CSMD1: variants seen among roughly 807,000 people sequenced by gnomAD.
CSMD1 encodes CUB and Sushi multiple domains 1, also known as CUB and sushi domain-containing protein 1.
Under a neutral mutation model 417.5 loss-of-function variants are expected in CSMD1, and 213 were observed. The ratio of observed to expected loss-of-function variants is 0.51; its 90% CI spans 0.46 to 0.57. The LOEUF (loss-of-function observed/expected upper bound fraction) is 0.57, where lower values mean the gene tolerates loss of function less well. Among genes scored for constraint, CSMD1 ranks in the 20% least tolerant of loss-of-function variants. The pLI is 0.00. For missense variants in CSMD1, 6,923 were observed against 4,529.7 expected (o/e 1.53, Z -15.17); for synonymous variants, 2,862 against 1,736.8 (o/e 1.65, Z -16.11).
At chr8:3,542,804 G>A (rs1451208805) in intron 10 of CSMD1, among the ~76,000 whole-genome samples, 2 of 152,216 alleles carry the variant, frequency 1.3e-5, no homozygotes, top group Non-Finnish European at 2.9e-5. Context: ...ATCCTTCGAT[G>A]CTTTAGCTAA....
intron 2 of CSMD1, among the ~76,000 whole-genome samples, chr8:4,483,286 C>T (rs771705534): frequency 3.3e-5 from 5 of 152,316 alleles, no homozygotes; most frequent in South Asian, 2.1e-4. Flanking sequence ...TCCAATAAAC[C>T]TCTTTCTTTT....
intron 1 of CSMD1, among the ~76,000 whole-genome samples, chr8:4,759,230 A>C (rs577102377): frequency 1.3e-5 from 2 of 152,162 alleles, no homozygotes; most frequent in South Asian, 4.2e-4. Context: ...CTTTAACCTC[A>C]CCATCAGTGT....
At chr8:3,275,227 T>A (rs902821368) in intron 26 of CSMD1, among the ~76,000 whole-genome samples, 1 of 152,194 alleles carries the variant, frequency 6.6e-6, no homozygotes, top group South Asian at 2.1e-4. Flanking sequence ...GGTTGAAAAT[T>A]CTTTTCTTTA....
chr8:3,928,748 T>A (rs954337185), intron 5 of CSMD1, among the ~76,000 whole-genome samples: 1 of 150,084 alleles, frequency 6.7e-6, no homozygotes, highest in Non-Finnish European at 1.5e-5. Flanking sequence ...GAACCCATTC[T>A]GAAATCAAAG....
At chr8:4,212,588 G>A (rs1031173911) in intron 3 of CSMD1, among the ~76,000 whole-genome samples, 2 of 151,762 alleles carry the variant, frequency 1.3e-5, no homozygotes, top group Non-Finnish European at 2.9e-5. Flanking sequence ...GCCTGACATT[G>A]TCAGTAGGTG....
intron 2 of CSMD1, among the ~76,000 whole-genome samples, chr8:4,474,799 G>A (rs569321969): frequency 2.6e-5 from 4 of 152,126 alleles, no homozygotes; most frequent in Admixed American, 6.5e-5. Context: ...AAGACCATGA[G>A]GAGGAAGAAT....
At chr8:4,613,694 T>A (rs1453088036) in intron 2 of CSMD1, among the ~76,000 whole-genome samples, 1 of 152,170 alleles carries the variant, frequency 6.6e-6, no homozygotes, top group East Asian at 1.9e-4. Flanking sequence ...CAAATGGCAG[T>A]AGTAAATCAT....
Position 3,152,206 on chromosome 8 carries a change from T to C in CSMD1, c.5915-693A>G, listed in dbSNP as rs187510073. Among the ~76,000 whole-genome samples the C allele has an allele frequency of 7.0e-3, 1,062 of 152,342 alleles. 7 individuals carry two copies. The highest frequency in any genetic ancestry group is 9.7e-3 in the Non-Finnish European group (662 of 68,024). ...AAATAAGTTCATGCATCTTGCCTTA[T>C]CTTGGCGACTCACATGTTTTGCTAC... On this transcript the variant is annotated intron_variant, in intron 39 of 69. Coordinates refer to ENST00000635120, the MANE Select transcript of CSMD1 (RefSeq NM_033225.6).
At chr8:4,523,129 A>T (rs1803564139) in intron 2 of CSMD1, among the ~76,000 whole-genome samples, 1 of 152,186 alleles carries the variant, frequency 6.6e-6, no homozygotes, top group Admixed American at 6.5e-5. Flanking sequence ...CTCATTATAC[A>T]TCCTTTGGTG....
At chr8:3,431,450 C>G (rs563881369) in intron 12 of CSMD1, among the ~76,000 whole-genome samples, 1 of 152,288 alleles carries the variant, frequency 6.6e-6, no homozygotes, top group East Asian at 1.9e-4. Context: ...ATGTCACTTT[C>G]AGTTTTAAAA....
At chr8:4,322,963 T>C (rs1181466888) in intron 3 of CSMD1, among the ~76,000 whole-genome samples, 3 of 152,126 alleles carry the variant, frequency 2.0e-5, no homozygotes, top group Non-Finnish European at 4.4e-5. Context: ...CCAGCCTGGG[T>C]GACAGAGCGA....
intron 6 of CSMD1, among the ~76,000 whole-genome samples, chr8:3,710,003 C>T (rs771670626): frequency 4.0e-5 from 6 of 151,836 alleles, no homozygotes; most frequent in Non-Finnish European, 8.8e-5. Flanking sequence ...TTTTGGCTCC[C>T]CCAAAAACCT....
intron 8 of CSMD1, chr8:3,598,299 C>G (rs1028969786): frequency 6.6e-6 from 1 of 152,188 alleles, no homozygotes; most frequent in Non-Finnish European, 1.5e-5. Flanking sequence ...TCGGCTTCCT[C>G]GCACCTACTT....
intron 3 of CSMD1, among the ~76,000 whole-genome samples, chr8:4,396,559 C>T (rs528306058): frequency 6.6e-6 from 1 of 152,034 alleles, no homozygotes; most frequent in African/African-American, 2.4e-5. Flanking sequence ...CAGCAAAATT[C>T]GCAACTGCAA....
At chr8:4,904,608 G>C (rs1428852571) in intron 1 of CSMD1, among the ~76,000 whole-genome samples, 1 of 152,062 alleles carries the variant, frequency 6.6e-6, no homozygotes. Context: ...ACATATATGA[G>C]TGAGCCAGGG....
chr8:2,984,212 C>CGA (rs1395689672), intron 54 of CSMD1, among the ~76,000 whole-genome samples: 1 of 152,204 alleles, frequency 6.6e-6, no homozygotes, highest in Non-Finnish European at 1.5e-5. Context: ...GTCTGATCCA[C>CGA]GTCTGTCAAA....
intron 5 of CSMD1, among the ~76,000 whole-genome samples, chr8:3,908,505 A>T (rs1249261365): frequency 6.6e-6 from 1 of 152,180 alleles, no homozygotes; most frequent in African/African-American, 2.4e-5. Flanking sequence ...GTAAAAAAAC[A>T]AAACAAAACA....
At chr8:3,209,125 T>C (rs1490342405) in intron 30 of CSMD1, among the ~76,000 whole-genome samples, 2 of 152,150 alleles carry the variant, frequency 1.3e-5, no homozygotes, top group Non-Finnish European at 2.9e-5. Context: ...TCAGGAAAAC[T>C]GACTCAGAAC....
chr8:3,405,834 C>A (rs980849696), intron 15 of CSMD1, among the ~76,000 whole-genome samples, 193 bp downstream of exon 15: 2 of 152,168 alleles, frequency 1.3e-5, no homozygotes, highest in Admixed American at 1.3e-4. Flanking sequence ...CCCCACCCTG[C>A]CGATGACACC....
Sources: gnomAD v4.1 joint callset for allele counts (sites outside exome capture counted in the v4.1 genomes callset) on GRCh38, gnomAD v4.1.1 for gene constraint, MANE v1.5 for transcripts, NCBI Gene and HGNC (gene_info 2026-07-23, HGNC 2026-07-21) for gene names.